RABEPK: variants seen among roughly 807,000 people sequenced by gnomAD.
RABEPK encodes Rab9 effector protein with kelch motifs.
RABEPK carries 27 observed loss-of-function variants against 34.1 expected under a neutral mutation model. The observed-to-expected ratio is 0.79, with a 90% CI of 0.58 to 1.09. The LOEUF (loss-of-function observed/expected upper bound fraction) is 1.09. RABEPK is among the 50% of genes least tolerant of loss of function. RABEPK has a pLI of 0.00. For synonymous variants in RABEPK, 172 were observed against 169.2 expected (o/e 1.02, Z -0.13); for missense variants, 449 against 462.6 (o/e 0.97, Z 0.27).
In RABEPK at chr9:125,204,438, C is replaced by T. The variant is rs1454953087; in HGVS notation, c.53+1372C>T. ...CTCTACTAAAAATACAAAAATTAAC[C>T]GGGAGTGGTGGTGCATGCCTGTAAT... On this transcript the variant is annotated intron_variant, in intron 2 of 7. Coordinates refer to ENST00000373538, the MANE Select transcript of RABEPK (RefSeq NM_005833.4). 5.3e-5 allele frequency among the ~76,000 whole-genome samples: 8 copies of T among 152,100 alleles called. No individual in the cohort carries two copies. In the South Asian group the frequency reaches 8.3e-4, roughly 16 times the overall value.
rs144508911 is a variant in RABEPK, at chr9:125,222,639, C to T, written c.526+1939C>T. ...TGAGGCATGAGAATCACTTGAACCC[C>T]GGAGGCGGAGGTTGCAATGAGCCGA... is the stretch of plus-strand genomic sequence containing the variant. On this transcript the variant is annotated intron_variant, in intron 5 of 7. Coordinates refer to ENST00000373538, the MANE Select transcript of RABEPK (RefSeq NM_005833.4). 6.7e-3 allele frequency among the ~76,000 whole-genome samples: 972 copies of T among 145,186 alleles called. 2 individuals carry two copies. The highest frequency in any genetic ancestry group is 9.5e-3 in the Non-Finnish European group (639 of 67,042).
intron 4 of RABEPK, among the ~76,000 whole-genome samples, chr9:125,219,771 AT>A (rs1175201322): frequency 6.6e-6 from 1 of 151,982 alleles, no homozygotes; most frequent in Non-Finnish European, 1.5e-5. Flanking sequence ...GGCTCAAGCA[AT>A]CCTCCTACCT....
At position 125,218,321 on chromosome 9, in the gene RABEPK, CAAA is replaced by C. The variant is rs71374234; in HGVS notation, c.365-2193_365-2191del. Among the ~76,000 whole-genome samples, 4 of 41,170 alleles carry C rather than the reference CAAA, an allele frequency of 9.7e-5. No homozygotes were observed. In the Admixed American group the frequency reaches 1.0e-3, roughly 11 times the overall value. The allele number at this position is 41,170 out of a possible 152,430, so 27.0% of individuals were successfully genotyped here. A position where few individuals can be genotyped will look rare whatever the true frequency, so the allele number is the denominator to read the frequency against. The stretch of plus-strand genomic sequence containing the variant: ...TGGGAGCCACAGCGAGACTCCGTCT[CAAA>C]AAAAAAAAAAAAAAAAAAAAAAAAG... On this transcript the variant is annotated intron_variant, in intron 4 of 7. Transcript: ENST00000373538.
rs150172916 is a variant in RABEPK at position 125,220,697 on chromosome 9, G to A, written c.523G>A (p.Ala175Thr). The A allele has an allele frequency of 8.7e-5, 140 of 1,613,838 alleles. 2 individuals carry two copies. The highest frequency in any genetic ancestry group is 6.6e-4 in the Middle Eastern group (4 of 6,060). The change falls in exon 5 of 8, where the codon GCA becomes ACA. Residue 175 changes from alanine to threonine, a missense_variant. Physicochemically the swap from Ala to Thr is moderately conservative, Grantham distance 58. Coordinates refer to ENST00000373538, the MANE Select transcript of RABEPK (RefSeq NM_005833.4). ...GGACACGAAGCTGCATGTGTTTGACGCAAGTATGGACTGGTGGGCACCTTG... is the reference window on the plus strand; with the variant it reads ...GGACACGAAGCTGCATGTGTTTGACACAAGTATGGACTGGTGGGCACCTTG... Reference protein sequence around the residue: ...VQDTKLHVFDANTLTWSQPET... With the variant: ...VQDTKLHVFDTNTLTWSQPET...
chr9:125,217,027 T>G (rs895627915), intron 4 of RABEPK, among the ~76,000 whole-genome samples: 3 of 151,768 alleles, frequency 2.0e-5, no homozygotes, highest in Non-Finnish European at 4.4e-5. Context: ...TTTGGCTAAT[T>G]GTGAAGCCAA....
intron 6 of RABEPK, among the ~76,000 whole-genome samples, chr9:125,229,826 G>A (rs1050048332): frequency 7.9e-5 from 12 of 152,206 alleles, no homozygotes; most frequent in African/African-American, 2.9e-4. Context: ...CTGAAGGGCT[G>A]ATATGCTGTG....
chr9:125,233,732 C>G lies in RABEPK; in HGVS notation c.871C>G (p.Pro291Ala), dbSNP rs374695052. The part of the protein sequence containing the change: ...TLLKFDTLLP[P>A]GRLDHSMCII... ...GCTTAAATTTGATACTCTTCTACCCCCTGGACGATTGGACCATTCCATGTG... is the reference window on the plus strand; with the variant it reads ...GCTTAAATTTGATACTCTTCTACCCGCTGGACGATTGGACCATTCCATGTG... The change falls in exon 8 of 8, where the codon CCT becomes GCT. Residue 291 changes from proline (P) to alanine (A), a missense_variant. Coordinates refer to ENST00000373538, the MANE Select transcript of RABEPK (RefSeq NM_005833.4). The G allele has an allele frequency of 2.1e-5, 34 of 1,613,990 alleles. No individual in the cohort carries two copies. Among genetic ancestry groups the G allele is most frequent in the Middle Eastern group, 1.6e-4 (1 of 6,084 alleles).
At chr9:125,215,839 G>A (rs1830898276) in intron 4 of RABEPK, among the ~76,000 whole-genome samples, 1 of 152,080 alleles carries the variant, frequency 6.6e-6, no homozygotes, top group African/African-American at 2.4e-5. Context: ...CCTTTTCAAG[G>A]TTTTGATACA....
intron 5 of RABEPK, among the ~76,000 whole-genome samples, chr9:125,223,152 C>T (rs1261533119): frequency 1.3e-5 from 2 of 152,146 alleles, no homozygotes; most frequent in Admixed American, 6.5e-5. Context: ...TGGTGGCGGG[C>T]GCCTATAATC....
At chr9:125,220,288 C>T in intron 4 of RABEPK, 1 of 1,377,144 alleles carries the variant, frequency 7.3e-7, no homozygotes, top group Non-Finnish European at 9.4e-7. Flanking sequence ...AGGCATGAGC[C>T]ACACTGCACC....
chr9:125,222,713 CAAAA>C (rs756826019), intron 5 of RABEPK, among the ~76,000 whole-genome samples: 3 of 48,382 alleles, frequency 6.2e-5, no homozygotes, highest in East Asian at 7.4e-4. Flanking sequence ...GACTCTGTAT[CAAAA>C]AAAAAAAAAA....
intron 3 of RABEPK, among the ~76,000 whole-genome samples, chr9:125,212,620 T>G (rs927206508): frequency 9.9e-5 from 15 of 152,110 alleles, no homozygotes; most frequent in African/African-American, 3.6e-4. Flanking sequence ...GGGAATTTAT[T>G]TAGTCAGATA....
chr9:125,204,581 TCAAA>T (rs747697964), intron 2 of RABEPK, among the ~76,000 whole-genome samples: 30 of 152,200 alleles, frequency 2.0e-4, no homozygotes, highest in Admixed American at 4.6e-4. Flanking sequence ...AGACTCCGTC[TCAAA>T]CAAACAAACA....
rs566668937 is a variant in RABEPK at position 125,220,584 on chromosome 9, C to T, written c.410C>T (p.Ser137Phe). Residue 137 changes from serine to phenylalanine, a missense_variant, in exon 5 of 8, where the codon TCC (serine) becomes TTC (phenylalanine). Transcript: ENST00000373538. ...TTPEVTSPPP[S>F]PRTFHTSSAA... is the part of the protein sequence containing the mutation. ...CCAGAAGTGACCAGCCCCCCACCAT[C>T]CCCAAGAACATTCCACACATCATCG... 4 of 1,614,034 alleles carry T rather than the reference C, an allele frequency of 2.5e-6. No homozygotes were observed. The highest frequency in any genetic ancestry group is 3.4e-6 in the Non-Finnish European group (4 of 1,180,030).
chr9:125,204,663 C>G (rs1485782145), intron 2 of RABEPK, among the ~76,000 whole-genome samples: 1 of 152,200 alleles, frequency 6.6e-6, no homozygotes, highest in Non-Finnish European at 1.5e-5. Flanking sequence ...TTTCCAACCT[C>G]AAATCCCATG....
Position 125,200,926 on chromosome 9 carries a change from C to T in RABEPK, c.-7+20C>T. The T allele has an allele frequency of 2.2e-6, 1 of 456,148 alleles. No individual in the cohort carries two copies. Among genetic ancestry groups the T allele is most frequent in the Non-Finnish European group, 4.6e-6 (1 of 219,056 alleles). The allele number at this position is 456,148 out of a possible 1,614,324, so 28.3% of individuals were successfully genotyped here. On this transcript the variant is annotated intron_variant, in intron 1 of 7. Transcript: ENST00000373538. ...CCGCAGGTGAGATTTATCCATTCAT[C>T]TCTCAATCTATTTTCTTTCTTCATT... is the stretch of plus-strand genomic sequence containing the variant.
chr9:125,215,426 C>T lies in RABEPK; in HGVS notation c.364+1904C>T, dbSNP rs1416540517. 2.6e-5 allele frequency among the ~76,000 whole-genome samples: 4 copies of T among 152,070 alleles called. No homozygotes were observed. In the East Asian group the frequency reaches 7.7e-4, roughly 29 times the overall value. Reference sequence around the variant, plus strand: ...CCAGGCTCAGGTGAACCTCCTACCTCAGCCTCCCAGGTAGCTGGGACTACA... The same window carrying T: ...CCAGGCTCAGGTGAACCTCCTACCTTAGCCTCCCAGGTAGCTGGGACTACA... On this transcript the variant is annotated intron_variant, in intron 4 of 7. Coordinates refer to ENST00000373538, the MANE Select transcript of RABEPK (RefSeq NM_005833.4).
At chr9:125,226,868 A>AAAT (rs1041248206) in intron 5 of RABEPK, among the ~76,000 whole-genome samples, 1 of 130,168 alleles carries the variant, frequency 7.7e-6, no homozygotes, top group African/African-American at 2.9e-5. Context: ...TGTCTGCAAA[A>AAAT]AATAATAATA....
At chr9:125,204,832 T>G (rs952668959) in intron 2 of RABEPK, among the ~76,000 whole-genome samples, 3 of 151,346 alleles carry the variant, frequency 2.0e-5, no homozygotes, top group Admixed American at 1.3e-4. Context: ...TATTTTATTT[T>G]ATTTTTGAGA....
Sources: gnomAD v4.1 joint callset for allele counts (sites outside exome capture counted in the v4.1 genomes callset) on GRCh38, gnomAD v4.1.1 for gene constraint, MANE v1.5 for transcripts, NCBI Gene and HGNC (gene_info 2026-07-23, HGNC 2026-07-21) for gene names.